The following RIPOR3 variants were observed in gnomAD, a reference collection of about 807,000 sequenced individuals.
RIPOR3 encodes RIPOR family member 3, also known as family with sequence similarity 65 member C.
Under a neutral mutation model 114.3 loss-of-function variants are expected in RIPOR3, and 95 were observed. The observed-to-expected ratio is 0.83, with a 90% CI of 0.70 to 0.99. The LOEUF (loss-of-function observed/expected upper bound fraction) is 0.99. Ranked by LOEUF, RIPOR3 falls within the 50% of genes least tolerant of loss-of-function variation. The pLI, the probability that RIPOR3 is intolerant of heterozygous loss-of-function variation, is 0.00. For synonymous variants in RIPOR3, 575 were observed against 543.8 expected (o/e 1.06, Z -0.80); for missense variants, 1,252 against 1,266.9 (o/e 0.99, Z 0.18).
rs1170519087 is a variant in RIPOR3 at position 50,630,873 on chromosome 20, G to GGA, written c.4-19_4-18dup. On this transcript the variant is annotated splice_polypyrimidine_tract_variant and intron_variant, in intron 1 of 21. Transcript: ENST00000327979. ...GGTGGTCACCTGCAAGGAGAGGACAGGAGAGTCAGCCTGGCATCACCATCC... is the reference window on the plus strand; with the variant it reads ...GGTGGTCACCTGCAAGGAGAGGACAGGAGAGAGTCAGCCTGGCATCACCATCC... 6.4e-7 allele frequency: 1 copy of GGA among 1,573,308 alleles called. No homozygotes were observed. Among genetic ancestry groups the GGA allele is most frequent in the Non-Finnish European group, 8.6e-7 (1 of 1,157,536 alleles).
intron 1 of RIPOR3, among the ~76,000 whole-genome samples, chr20:50,668,843 C>T (rs770345237): frequency 6.6e-5 from 10 of 150,636 alleles, no homozygotes; most frequent in Non-Finnish European, 1.2e-4. Flanking sequence ...GGCAACAGAG[C>T]GAGACTCCAT....
At position 50,608,434 on chromosome 20, in the gene RIPOR3, A is replaced by T. The variant is rs939887091; in HGVS notation, c.911T>A (p.Ile304Asn). 1.9e-6 allele frequency: 3 copies of T among 1,613,972 alleles called. No homozygotes were observed. The highest frequency in any genetic ancestry group is 2.7e-5 in the African/African-American group (2 of 75,000). Reference protein sequence around the residue: ...TTRPQVIVVDITELGTIKLQL... With the variant: ...TTRPQVIVVDNTELGTIKLQL... Reference sequence around the variant, plus strand: ...CAGCTTGATGGTACCCAACTCCGTGATGTCCACCACGATGACCTGCGGCCG... The same window carrying T: ...CAGCTTGATGGTACCCAACTCCGTGTTGTCCACCACGATGACCTGCGGCCG... Residue 304 changes from isoleucine (I) to asparagine (N), a missense_variant, in exon 11 of 22, where the codon ATC (isoleucine) becomes AAC (asparagine). Physicochemically the swap from Ile to Asn is moderately radical, Grantham distance 149. Transcript: ENST00000327979.
intron 1 of RIPOR3, among the ~76,000 whole-genome samples, chr20:50,649,185 C>T (rs2085516237): frequency 6.6e-6 from 1 of 152,188 alleles, no homozygotes; most frequent in African/African-American, 2.4e-5. Flanking sequence ...TGGCTCACAC[C>T]TGTAATCCCA....
intron 1 of RIPOR3, among the ~76,000 whole-genome samples, chr20:50,640,764 C>T (rs553194132): frequency 1.1e-4 from 17 of 152,174 alleles, no homozygotes; most frequent in African/African-American, 3.9e-4. Context: ...CTCCATTAGA[C>T]GCACAGGCCC....
intron 1 of RIPOR3, among the ~76,000 whole-genome samples, chr20:50,655,363 C>T (rs1003875858): frequency 1.3e-5 from 2 of 152,138 alleles, no homozygotes; most frequent in Non-Finnish European, 2.9e-5. Context: ...CCTTCTTGTC[C>T]CCCTGCCCAG....
intron 1 of RIPOR3, among the ~76,000 whole-genome samples, chr20:50,684,836 C>T (rs1355915848): frequency 6.6e-6 from 1 of 152,314 alleles, no homozygotes; most frequent in African/African-American, 2.4e-5. Context: ...ATTGCAGTGG[C>T]ACAAACATGG....
chr20:50,679,467 A>AC (rs2086790213), intron 1 of RIPOR3, among the ~76,000 whole-genome samples: 2 of 150,806 alleles, frequency 1.3e-5, no homozygotes, highest in East Asian at 2.0e-4. Context: ...ACATGGCAAG[A>AC]TCCCATCTCC....
chr20:50,632,927 A>C (rs1444448583), intron 1 of RIPOR3, among the ~76,000 whole-genome samples: 1 of 152,200 alleles, frequency 6.6e-6, no homozygotes, highest in Non-Finnish European at 1.5e-5. Flanking sequence ...GGTCCCCTAC[A>C]GTCCCCTCCT....
At chr20:50,676,258 T>C (rs1027801577) in intron 1 of RIPOR3, among the ~76,000 whole-genome samples, 3 of 151,908 alleles carry the variant, frequency 2.0e-5, no homozygotes, top group African/African-American at 7.3e-5. Flanking sequence ...GCCCTGAGAG[T>C]CAGGGGAAGT....
At chr20:50,642,580 A>C (rs2085243239) in intron 1 of RIPOR3, among the ~76,000 whole-genome samples, 3 of 150,240 alleles carry the variant, frequency 2.0e-5, no homozygotes, top group East Asian at 2.0e-4. Context: ...CCCCCAGGGT[A>C]TGTCTCCATC....
rs2122931449 is a variant in RIPOR3, at chr20:50,597,572, G to A, written c.1790+8C>T. The A allele has an allele frequency of 6.2e-7, 1 of 1,600,516 alleles. No homozygotes were observed. The highest frequency in any genetic ancestry group is 8.5e-7 in the Non-Finnish European group (1 of 1,173,738). On this transcript the variant is annotated splice_region_variant and intron_variant, in intron 14 of 21. Coordinates refer to ENST00000327979, the MANE Select transcript of RIPOR3 (RefSeq NM_001290268.2). ...CACTGGGTCACTGCTGGAAGGAGGT[G>A]CACTCACCGGAGACCCTGGGAGCCC...
chr20:50,620,253 C>T, intron 2 of RIPOR3, 121 bp from the exon 3 acceptor site: 1 of 1,191,952 alleles, frequency 8.4e-7, no homozygotes, highest in Non-Finnish European at 1.2e-6. Flanking sequence ...CCGGCTCAGT[C>T]CCACCCCCAT....
intron 17 of RIPOR3, 117 bp from the exon 18 acceptor site, chr20:50,593,313 C>T: frequency 1.7e-6 from 2 of 1,175,960 alleles, no homozygotes; most frequent in Non-Finnish European, 2.3e-6. Flanking sequence ...TGGCTCGCAC[C>T]TGTAACCCCA....
chr20:50,589,612 G>C (rs1338865529), intron 20 of RIPOR3, 74 bp downstream of exon 20: 2 of 1,481,296 alleles, frequency 1.4e-6, no homozygotes, highest in Non-Finnish European at 1.9e-6. Context: ...GAATCATTTT[G>C]AAGTTAACTA....
At chr20:50,638,509 T>C (rs1425051069) in intron 1 of RIPOR3, among the ~76,000 whole-genome samples, 38 of 152,286 alleles carry the variant, frequency 2.5e-4, no homozygotes, top group Middle Eastern at 3.4e-3. Flanking sequence ...CATCACTGCC[T>C]CGTCACCACT....
In RIPOR3 at chr20:50,654,351, G is replaced by A. The variant is rs2085729322; in HGVS notation, c.4-23495C>T. On this transcript the variant is annotated intron_variant, in intron 1 of 21. Transcript: ENST00000327979. Reference sequence around the variant, plus strand: ...CCAACTAATTTTTGTATTTTTAGTAGAGATGGGGTTTCACTCCGTTGGCCA... The same window carrying A: ...CCAACTAATTTTTGTATTTTTAGTAAAGATGGGGTTTCACTCCGTTGGCCA... Among the ~76,000 whole-genome samples, 3 of 149,980 alleles carry A rather than the reference G, an allele frequency of 2.0e-5. No homozygotes were observed. In the South Asian group the frequency reaches 6.3e-4, roughly 32 times the overall value.
At chr20:50,635,769 GA>G (rs1324175536) in intron 1 of RIPOR3, among the ~76,000 whole-genome samples, 1 of 152,248 alleles carries the variant, frequency 6.6e-6, no homozygotes, top group Non-Finnish European at 1.5e-5. Context: ...GGAAATGCCA[GA>G]GCTGAAACTG....
intron 1 of RIPOR3, among the ~76,000 whole-genome samples, chr20:50,678,269 G>C (rs891766128): frequency 6.6e-6 from 1 of 152,186 alleles, no homozygotes; most frequent in South Asian, 2.1e-4. Context: ...GTCCACATAA[G>C]GGCATTCACC....
intron 1 of RIPOR3, among the ~76,000 whole-genome samples, chr20:50,682,350 G>A (rs947899111): frequency 1.1e-4 from 16 of 152,230 alleles, no homozygotes; most frequent in Admixed American, 2.6e-4. Context: ...GCTCACACCT[G>A]TAATCCCAGC....
Sources: gnomAD v4.1 joint callset for allele counts (sites outside exome capture counted in the v4.1 genomes callset) on GRCh38, gnomAD v4.1.1 for gene constraint, MANE v1.5 for transcripts, NCBI Gene and HGNC (gene_info 2026-07-23, HGNC 2026-07-21) for gene names.